MED13L: variants seen among roughly 807,000 people sequenced by gnomAD.
MED13L encodes mediator of RNA polymerase II transcription subunit 13-like.
A neutral mutation model predicts 220.9 loss-of-function variants in MED13L; 7 were observed. That is an observed-to-expected ratio of 0.03 (90% CI 0.02 to 0.06). MED13L has a LOEUF of 0.06. Ranked by LOEUF, MED13L falls within the 10% of genes least tolerant of loss-of-function variation. MED13L has a pLI of 1.00. For missense variants in MED13L, 1,965 were observed against 2,760.5 expected, an observed-to-expected ratio of 0.71 and a Z score of 6.46; for synonymous variants, 1,011 against 1,015.2, an observed-to-expected ratio of 1.00 and a Z score of 0.08.
intron 27 of MED13L, among the ~76,000 whole-genome samples, chr12:115,970,190 A>G (rs1448858292): frequency 6.6e-6 from 1 of 152,224 alleles, no homozygotes; most frequent in Non-Finnish European, 1.5e-5. Context: ...ATAATCAAAT[A>G]AGGGTTTCTC....
At chr12:116,070,717 T>C (rs1209724360) in intron 4 of MED13L, among the ~76,000 whole-genome samples, 1 of 152,186 alleles carries the variant, frequency 6.6e-6, no homozygotes, top group African/African-American at 2.4e-5. Context: ...AGACAGCATA[T>C]AAAGTACACA....
chr12:115,965,411 A>G (rs1413902446), intron 29 of MED13L, among the ~76,000 whole-genome samples: 1 of 152,128 alleles, frequency 6.6e-6, no homozygotes, highest in Non-Finnish European at 1.5e-5. Context: ...CTGAAAGGGA[A>G]GTGTGTAGGG....
chr12:116,233,813 A>G (rs758096569), intron 2 of MED13L, among the ~76,000 whole-genome samples: 8 of 152,172 alleles, frequency 5.3e-5, no homozygotes, highest in Non-Finnish European at 1.2e-4. Flanking sequence ...CTGAATCACT[A>G]CACCACACGC....
intron 2 of MED13L, chr12:116,169,295 T>C (rs1879509075): frequency 1.3e-5 from 2 of 152,494 alleles, no homozygotes; most frequent in South Asian, 2.1e-4. Context: ...GAAAAATCCA[T>C]GTTCCCTCTC....
chr12:116,042,012 T>C (rs1330715761), intron 4 of MED13L, among the ~76,000 whole-genome samples: 1 of 152,226 alleles, frequency 6.6e-6, no homozygotes, highest in Non-Finnish European at 1.5e-5. Flanking sequence ...AAGTACACCA[T>C]GCCATGAAAC....
In MED13L at chr12:116,185,889, C is replaced by A. The variant is rs142408338; in HGVS notation, c.310+51579G>T. On this transcript the variant is annotated intron_variant, in intron 2 of 30. Coordinates refer to ENST00000281928, the MANE Select transcript of MED13L (RefSeq NM_015335.5). ...GTTTGTATTTTTGGTAGACTCAGGG[C>A]TTCACCATGTTGCTCAGGCTGGTCT... is the stretch of plus-strand genomic sequence containing the variant. Among the ~76,000 whole-genome samples the A allele has an allele frequency of 2.1e-3, 325 of 152,150 alleles. 3 individuals are homozygous for A. The highest frequency in any genetic ancestry group is 7.4e-3 in the African/African-American group (308 of 41,536).
At chr12:116,174,085 C>T (rs988608458) in intron 2 of MED13L, among the ~76,000 whole-genome samples, 4 of 152,092 alleles carry the variant, frequency 2.6e-5, no homozygotes, top group African/African-American at 9.7e-5. Context: ...CAGAGCAAGA[C>T]CCTGTGTCTA....
At chr12:116,232,056 T>C (rs1013825478) in intron 2 of MED13L, 2 of 982,508 alleles carry the variant, frequency 2.0e-6, no homozygotes, top group Non-Finnish European at 1.2e-6. Context: ...TAAATTATCT[T>C]ACACCGTGGT....
chr12:116,162,769 T>C (rs1399227526), intron 2 of MED13L, among the ~76,000 whole-genome samples: 4 of 152,228 alleles, frequency 2.6e-5, no homozygotes, highest in Non-Finnish European at 5.9e-5. Flanking sequence ...ATACAATTCC[T>C]CGTAAGTTAT....
intron 9 of MED13L, among the ~76,000 whole-genome samples, chr12:116,010,289 C>G (rs1406833039): frequency 6.6e-6 from 1 of 152,096 alleles, no homozygotes; most frequent in Non-Finnish European, 1.5e-5. Flanking sequence ...AGCATGGTAC[C>G]ACAGTAACAT....
chr12:115,978,493 A>G (rs1877109612), intron 23 of MED13L, among the ~76,000 whole-genome samples: 1 of 151,864 alleles, frequency 6.6e-6, no homozygotes, highest in South Asian at 2.1e-4. Flanking sequence ...CGCCTGGCTA[A>G]TTTTTTTATT....
Position 115,996,669 on chromosome 12 carries a change from C to T in MED13L, c.2803G>A (p.Val935Met), listed in dbSNP as rs1410431827. Reference protein sequence around the residue: ...KPEEIKDFSYVHKVPSFQPFV... With the variant: ...KPEEIKDFSYMHKVPSFQPFV... The stretch of plus-strand genomic sequence containing the variant: ...GGTTGAAAGGATGGAACTTTGTGCA[C>T]ATATGAAAAGTCCTGTGACAACAAA... Residue 935 changes from valine to methionine, a missense_variant, in exon 16 of 31, where the codon GTG (valine) becomes ATG (methionine). By Grantham distance (21) the Val-to-Met change is conservative (BLOSUM62 1). Around this residue, in one of 10 missense-constraint regions of MED13L, gnomAD observed 233 missense variants for 306.2 expected, o/e 0.76. Transcript: ENST00000281928. The T allele has an allele frequency of 6.2e-7, 1 of 1,613,792 alleles. No individual in the cohort carries two copies. Among genetic ancestry groups the T allele is most frequent in the Non-Finnish European group, 8.5e-7 (1 of 1,179,750 alleles).
At chr12:115,992,020 A>G in intron 16 of MED13L, 63 bp from the exon 17 acceptor site, 2 of 1,360,676 alleles carry the variant, frequency 1.5e-6, no homozygotes, top group Non-Finnish European at 2.1e-6. Context: ...AACTAGACAC[A>G]TGATCACCCC....
At chr12:116,227,589 T>C (rs1245748716) in intron 2 of MED13L, among the ~76,000 whole-genome samples, 3 of 152,156 alleles carry the variant, frequency 2.0e-5, no homozygotes, top group Non-Finnish European at 4.4e-5. Context: ...GTTACTATTA[T>C]ATTGTTCAGG....
intron 1 of MED13L, among the ~76,000 whole-genome samples, chr12:116,273,677 T>A (rs945496739): frequency 1.3e-5 from 2 of 152,184 alleles, no homozygotes; most frequent in African/African-American, 4.8e-5. Flanking sequence ...AGCAAGAATT[T>A]GAGATTATCA....
chr12:116,055,784 C>T (rs1223354421), intron 4 of MED13L, among the ~76,000 whole-genome samples: 1 of 152,008 alleles, frequency 6.6e-6, no homozygotes, highest in Admixed American at 6.5e-5. Flanking sequence ...ATCCCAGCTA[C>T]TGGGGAGGCT....
chr12:115,975,258 A>G lies in MED13L; in HGVS notation c.5644T>C (p.Trp1882Arg). ...RKIGLQKLWE[W>R]CIGIVQMTSL... Reference sequence around the variant, plus strand: ...GTCATTTGGACAATCCCTATGCACCACTCCCATAACTTCTGTAGTCCAATT... The same window carrying G: ...GTCATTTGGACAATCCCTATGCACCGCTCCCATAACTTCTGTAGTCCAATT... Residue 1882 changes from tryptophan (W) to arginine (R), a missense_variant, in exon 25 of 31, where the codon TGG (tryptophan) becomes CGG (arginine). Trp to Arg is a moderately radical substitution (Grantham distance 101). Transcript: ENST00000281928. 1 of 1,613,842 alleles carries G rather than the reference A, an allele frequency of 6.2e-7. No individual in the cohort carries two copies. The highest frequency in any genetic ancestry group is 8.5e-7 in the Non-Finnish European group (1 of 1,179,962).
intron 29 of MED13L, among the ~76,000 whole-genome samples, chr12:115,964,338 C>T (rs1044508152): frequency 1.3e-5 from 2 of 152,164 alleles, no homozygotes; most frequent in Non-Finnish European, 2.9e-5. Flanking sequence ...CATGAGCCAA[C>T]ATGATCTGTA....
intron 3 of MED13L, among the ~76,000 whole-genome samples, chr12:116,108,110 C>CA (rs950410079): frequency 7.1e-4 from 100 of 141,704 alleles, no homozygotes; most frequent in East Asian, 2.2e-3. Flanking sequence ...AACAAACAAA[C>CA]AAAAAAAAAA....
Sources: allele counts gnomAD v4.1 joint callset (sites outside exome capture counted in the v4.1 genomes callset), GRCh38; gene constraint gnomAD v4.1.1; regional missense constraint gnomAD v4.1.1; transcripts MANE v1.5; gene names NCBI Gene and HGNC (gene_info 2026-07-23, HGNC 2026-07-21).